FHIT: variants seen among roughly 807,000 people sequenced by gnomAD.
The protein encoded by FHIT is fragile histidine triad diadenosine triphosphatase, also known as bis(5'-adenosyl)-triphosphatase.
Under a neutral mutation model 17.9 loss-of-function variants are expected in FHIT, and 19 were observed. That is an observed-to-expected ratio of 1.06 (90% CI 0.74 to 1.56). FHIT has a LOEUF of 1.56. Among genes scored for constraint, FHIT ranks in the 40% most tolerant of loss-of-function variants. The pLI is 0.00. For synonymous variants in FHIT, 81 were observed against 69.7 expected (o/e 1.16, Z -0.81); for missense variants, 248 against 189.2 (o/e 1.31, Z -1.82).
chr3:60,531,574 G>A (rs564216901), intron 5 of FHIT, among the ~76,000 whole-genome samples: 55 of 152,210 alleles, frequency 3.6e-4, no homozygotes, highest in African/African-American at 9.9e-4. Context: ...CACCGCGCCC[G>A]GCCGAAAAGA....
At chr3:60,474,874 C>G (rs1190480334) in intron 5 of FHIT, among the ~76,000 whole-genome samples, 1 of 152,158 alleles carries the variant, frequency 6.6e-6, no homozygotes, top group African/African-American at 2.4e-5. Flanking sequence ...CTGCCCACCT[C>G]AGCCTCTCAG....
intron 3 of FHIT, among the ~76,000 whole-genome samples, chr3:60,842,603 A>G (rs1349810491): frequency 4.0e-4 from 50 of 124,840 alleles, no homozygotes; most frequent in African/African-American, 1.4e-3. Flanking sequence ...AAATGAGTGT[A>G]TATATATATA....
chr3:60,146,815 T>A (rs536695923), intron 5 of FHIT, among the ~76,000 whole-genome samples: 1 of 152,268 alleles, frequency 6.6e-6, no homozygotes, highest in Non-Finnish European at 1.5e-5. Context: ...CTTCCTACCA[T>A]GCGTCCGCTA....
At chr3:60,200,129 G>C (rs1026267199) in intron 5 of FHIT, among the ~76,000 whole-genome samples, 2 of 152,130 alleles carry the variant, frequency 1.3e-5, no homozygotes, top group African/African-American at 4.8e-5. Context: ...GGACACTAGG[G>C]ATGGGATTAG....
chr3:60,182,153 G>A (rs1701966935), intron 5 of FHIT, among the ~76,000 whole-genome samples: 1 of 152,126 alleles, frequency 6.6e-6, no homozygotes, highest in Admixed American at 6.5e-5. Context: ...TTATGCTAAT[G>A]AGCAATGAAG....
intron 2 of FHIT, among the ~76,000 whole-genome samples, chr3:61,161,208 C>CT (rs767907012): frequency 1.1e-3 from 159 of 139,236 alleles, no homozygotes; most frequent in East Asian, 1.3e-3. Context: ...AAACAAATTG[C>CT]TTTTTTTTTT....
At chr3:59,907,332 G>C (rs1704629032) in intron 8 of FHIT, among the ~76,000 whole-genome samples, 1 of 152,178 alleles carries the variant, frequency 6.6e-6, no homozygotes, top group Non-Finnish European at 1.5e-5. Flanking sequence ...GTAATCACTG[G>C]TGTGCCATTT....
At chr3:61,196,963 C>A (rs924391043) in intron 2 of FHIT, among the ~76,000 whole-genome samples, 1 of 152,110 alleles carries the variant, frequency 6.6e-6, no homozygotes, top group East Asian at 1.9e-4. Context: ...AGAATGCCTG[C>A]GATAGAGGTT....
At chr3:60,297,713 A>G (rs1708276134) in intron 5 of FHIT, among the ~76,000 whole-genome samples, 1 of 152,054 alleles carries the variant, frequency 6.6e-6, no homozygotes, top group African/African-American at 2.4e-5. Context: ...TAAAATACTA[A>G]AGTGTTTTCC....
intron 5 of FHIT, among the ~76,000 whole-genome samples, chr3:60,136,834 T>C (rs771193911): frequency 6.6e-6 from 1 of 151,474 alleles, no homozygotes. Context: ...TTCTATTTTA[T>C]ACAAACATGC....
chr3:60,472,897 C>T (rs1364049579), intron 5 of FHIT, among the ~76,000 whole-genome samples: 2 of 152,022 alleles, frequency 1.3e-5, no homozygotes, highest in African/African-American at 4.8e-5. Context: ...GCAAGAAAAA[C>T]AAATGCCTCA....
At chr3:60,731,685 G>A (rs369367072) in intron 4 of FHIT, among the ~76,000 whole-genome samples, 2 of 152,012 alleles carry the variant, frequency 1.3e-5, no homozygotes, top group African/African-American at 4.8e-5. Context: ...TTGATCCCAC[G>A]CACCCACCTC....
intron 8 of FHIT, among the ~76,000 whole-genome samples, chr3:59,917,189 A>C (rs982582339): frequency 1.3e-5 from 2 of 152,252 alleles, no homozygotes; most frequent in African/African-American, 2.4e-5. Context: ...GTTTCCCATG[A>C]CATGCTTGAA....
At chr3:60,846,331 G>A (rs1553746445) in intron 3 of FHIT, among the ~76,000 whole-genome samples, 1 of 152,176 alleles carries the variant, frequency 6.6e-6, no homozygotes, top group African/African-American at 2.4e-5. Context: ...AGAGAATGTA[G>A]GAGTTAGAAA....
At chr3:60,578,256 G>A (rs782652765) in intron 4 of FHIT, among the ~76,000 whole-genome samples, 8 of 152,034 alleles carry the variant, frequency 5.3e-5, no homozygotes, top group South Asian at 2.1e-4. Flanking sequence ...GGCCAACATG[G>A]TGAATCCCTG....
At chr3:60,893,988 A>G (rs2107187113) in intron 3 of FHIT, among the ~76,000 whole-genome samples, 1 of 152,344 alleles carries the variant, frequency 6.6e-6, no homozygotes, top group East Asian at 1.9e-4. Flanking sequence ...CACTGTTGTC[A>G]GAATGCCAAG....
intron 5 of FHIT, among the ~76,000 whole-genome samples, chr3:60,156,091 T>C (rs1303955778): frequency 6.6e-6 from 1 of 152,142 alleles, no homozygotes; most frequent in African/African-American, 2.4e-5. Flanking sequence ...TGGGGGCTCA[T>C]GCCTGTAATC....
chr3:59,997,746 C>G (rs1699572560), intron 7 of FHIT, among the ~76,000 whole-genome samples: 1 of 152,108 alleles, frequency 6.6e-6, no homozygotes, highest in Non-Finnish European at 1.5e-5. Context: ...CTTCCTTGAC[C>G]TAATGAGCAT....
At chr3:60,255,372 TG>T (rs1394015545) in intron 5 of FHIT, among the ~76,000 whole-genome samples, 7 of 152,106 alleles carry the variant, frequency 4.6e-5, no homozygotes, top group Non-Finnish European at 1.0e-4. Context: ...CTGCACAGGA[TG>T]GCACAGGGGT....
Sources: gnomAD v4.1 joint callset for allele counts (sites outside exome capture counted in the v4.1 genomes callset) on GRCh38, gnomAD v4.1.1 for gene constraint, MANE v1.5 for transcripts, NCBI Gene and HGNC (gene_info 2026-07-23, HGNC 2026-07-21) for gene names.